DIAPH2: variants seen among roughly 807,000 people sequenced by gnomAD.
The protein encoded by DIAPH2 is protein diaphanous homolog 2.
A neutral mutation model predicts 92.7 loss-of-function variants in DIAPH2; 35 were observed. The observed-to-expected ratio is 0.38, with a 90% confidence interval of 0.29 to 0.50. DIAPH2 has a LOEUF of 0.50. Among genes scored for constraint, DIAPH2 ranks in the 20% least tolerant of loss-of-function variants. The probability of loss-of-function intolerance (pLI) is 0.94; values close to 1 mark genes in which losing one functional copy is unlikely to be tolerated. For missense variants in DIAPH2, 701 were observed against 819.5 expected (o/e 0.86, Z 1.77); for synonymous variants, 301 against 280.4 (o/e 1.07, Z -0.73).
At chrX:96,995,175 T>A (rs913668465) in intron 17 of DIAPH2, among the ~76,000 whole-genome samples, 2 of 111,155 alleles carry the variant, frequency 1.8e-5, no homozygotes, top group Non-Finnish European at 3.8e-5. Context: ...GATTATTGCT[T>A]AAAGTCAGAT....
chrX:97,252,716 G>GTGTTTTGTTT (rs57036021), intron 23 of DIAPH2, among the ~76,000 whole-genome samples: 50,621 of 104,166 alleles, frequency 0.49, 9,536 homozygotes, highest in Non-Finnish European at 0.57. Context: ...CAAAGCTGTT[G>GTGTTTTGTTT]TGTTTTGTTT....
intron 26 of DIAPH2, among the ~76,000 whole-genome samples, chrX:97,572,168 A>T (rs1237093040): frequency 9.1e-6 from 1 of 109,456 alleles, no homozygotes; most frequent in Non-Finnish European, 1.9e-5. Flanking sequence ...CAGGCTCAGC[A>T]GCCGTTACAT....
intron 23 of DIAPH2, among the ~76,000 whole-genome samples, chrX:97,258,651 C>T (rs946340320): frequency 8.3e-5 from 9 of 107,867 alleles, no homozygotes; most frequent in African/African-American, 1.0e-4. Context: ...GGGTGGATCA[C>T]GGGGTCAGGA....
At chrX:97,372,349 C>A (rs2069455659) in intron 24 of DIAPH2, among the ~76,000 whole-genome samples, 3 of 112,512 alleles carry the variant, frequency 2.7e-5, no homozygotes, top group African/African-American at 9.7e-5. Flanking sequence ...CTTTGAGATT[C>A]TCTTCACCAC....
At chrX:96,771,362 T>C (rs2064337737) in intron 4 of DIAPH2, among the ~76,000 whole-genome samples, 1 of 111,897 alleles carries the variant, frequency 8.9e-6, no homozygotes, top group South Asian at 3.7e-4. Flanking sequence ...GATATTTCTA[T>C]TGAGGATATT....
At chrX:97,316,903 G>A (rs2068845594) in intron 23 of DIAPH2, among the ~76,000 whole-genome samples, 1 of 111,862 alleles carries the variant, frequency 8.9e-6, no homozygotes, top group Non-Finnish European at 1.9e-5. Context: ...CATGCCACAT[G>A]AAGAAGTTAG....
At chrX:97,083,863 A>G (rs1003749808) in intron 19 of DIAPH2, among the ~76,000 whole-genome samples, 2 of 111,838 alleles carry the variant, frequency 1.8e-5, no homozygotes, top group Admixed American at 9.5e-5. Context: ...TATCCCAGGA[A>G]TGGAAAGTAC....
intron 17 of DIAPH2, among the ~76,000 whole-genome samples, chrX:96,984,075 A>G (rs1391861289): frequency 4.5e-5 from 5 of 111,897 alleles, no homozygotes; most frequent in Non-Finnish European, 7.5e-5. Context: ...TTTAGTATTT[A>G]TGTGGTATAT....
At chrX:97,462,699 C>T (rs1486752047) in intron 26 of DIAPH2, among the ~76,000 whole-genome samples, 1 of 111,413 alleles carries the variant, frequency 9.0e-6, no homozygotes. Flanking sequence ...CGATGATGCT[C>T]AATGGATATA....
chrX:97,026,771 G>A (rs778178049), intron 17 of DIAPH2, among the ~76,000 whole-genome samples: 1 of 111,486 alleles, frequency 9.0e-6, no homozygotes, highest in Non-Finnish European at 1.9e-5. Context: ...AGTTTTTTTT[G>A]TTTGTTTGTT....
At chrX:97,077,773 A>G (rs1404891111) in intron 19 of DIAPH2, among the ~76,000 whole-genome samples, 2 of 112,520 alleles carry the variant, frequency 1.8e-5, no homozygotes, top group African/African-American at 6.4e-5. Flanking sequence ...TTTTCATTTT[A>G]TTTCAAAATA....
chrX:96,815,759 C>T lies in DIAPH2; in HGVS notation c.447+57501C>T, dbSNP rs59793010. On this transcript the variant is annotated intron_variant, in intron 4 of 26. Coordinates refer to ENST00000324765, the MANE Select transcript of DIAPH2 (RefSeq NM_006729.5). ...GGTTCACTGCTTCCTCCTCCTCCCA[C>T]GTTCAAGCAATTCTCCTGCCTCAGC... 7.3e-3 allele frequency among the ~76,000 whole-genome samples: 810 copies of T among 111,299 alleles called. 6 individuals carry two copies. Among genetic ancestry groups the T allele is most frequent in the African/African-American group, 0.025 (778 of 30,650 alleles).
At chrX:96,937,420 G>A (rs941880355) in intron 11 of DIAPH2, 69 bp downstream of exon 11, 71 of 649,619 alleles carry the variant, frequency 1.1e-4, no homozygotes, top group Non-Finnish European at 1.5e-4. Context: ...GCGATTTTGT[G>A]GAACATTATT....
intron 22 of DIAPH2, among the ~76,000 whole-genome samples, chrX:97,149,519 C>T (rs2067269658): frequency 9.1e-6 from 1 of 109,586 alleles, no homozygotes; most frequent in South Asian, 4.0e-4. Context: ...ATCACGAGGT[C>T]AGGAGATCGA....
intron 17 of DIAPH2, among the ~76,000 whole-genome samples, chrX:97,000,275 G>A (rs374038265): frequency 3.6e-5 from 4 of 112,036 alleles, no homozygotes; most frequent in African/African-American, 1.3e-4. Flanking sequence ...AAAGAAATCA[G>A]TGATAGGAAT....
At chrX:96,966,274 G>A (rs1231195115) in intron 17 of DIAPH2, among the ~76,000 whole-genome samples, 2 of 110,882 alleles carry the variant, frequency 1.8e-5, no homozygotes, top group Middle Eastern at 4.7e-3. Flanking sequence ...ATTTGATATC[G>A]CAGACCTCAC....
At position 97,273,969 on chromosome X, in the gene DIAPH2, A is replaced by ATTTGCTG. The variant is rs771823257; in HGVS notation, c.2844+26133_2844+26139dup. On this transcript the variant is annotated intron_variant, in intron 23 of 26. Transcript: ENST00000324765. ...TCCTTCTAATGACTTAAACCAAGTC[A>ATTTGCTG]TTTGCTGTTGAAACTTTAACAGCAA... is the stretch of plus-strand genomic sequence containing the variant. Among the ~76,000 whole-genome samples the ATTTGCTG allele has an allele frequency of 3.7e-5, 4 of 107,822 alleles. No homozygotes were observed. The East Asian group carries it at 8.9e-4, about 24-fold the overall frequency. 93.6% of individuals were successfully genotyped at this position (107,822 alleles called of 115,157 possible).
In DIAPH2 at chrX:96,836,949, G is replaced by T. The variant is rs1048700302; in HGVS notation, c.448-44630G>T. On this transcript the variant is annotated intron_variant, in intron 4 of 26. Transcript: ENST00000324765. ...TCACCGTGTTAGCCAGGATGGTCTC[G>T]ATCTCCTGACCTCGTGATCCGCCCG... is the stretch of plus-strand genomic sequence containing the variant. Among the ~76,000 whole-genome samples the T allele has an allele frequency of 3.9e-5, 4 of 103,277 alleles. No individual in the cohort carries two copies. The Admixed American group carries it at 4.2e-4, about 11-fold the overall frequency. The allele number at this position is 103,277 out of a possible 115,157, so 89.7% of individuals were successfully genotyped here. A position where few individuals can be genotyped will look rare whatever the true frequency, so the allele number is the denominator to read the frequency against.
intron 23 of DIAPH2, among the ~76,000 whole-genome samples, chrX:97,294,905 C>T (rs2068630713): frequency 1.8e-5 from 2 of 111,236 alleles, no homozygotes; most frequent in Non-Finnish European, 3.8e-5. Flanking sequence ...ATTTTACCTT[C>T]TTTCTTCATT....
Sources: allele counts gnomAD v4.1 joint callset (sites outside exome capture counted in the v4.1 genomes callset), GRCh38; gene constraint gnomAD v4.1.1; transcripts MANE v1.5; gene names NCBI Gene and HGNC (gene_info 2026-07-23, HGNC 2026-07-21).